The following RAB6B variants were observed in gnomAD, a reference collection of about 807,000 sequenced individuals.
RAB6B encodes the protein RAB6B, member RAS oncogene family.
A neutral mutation model predicts 31.2 loss-of-function variants in RAB6B; 7 were observed. The ratio of observed to expected loss-of-function variants is 0.22; its 90% CI spans 0.13 to 0.42. The LOEUF is 0.42. Ranked by LOEUF, RAB6B falls within the 10% of genes least tolerant of loss-of-function variation. The pLI, the probability that RAB6B is intolerant of heterozygous loss-of-function variation, is 1.00. For missense variants in RAB6B, 149 were observed against 280.6 expected (o/e 0.53, Z 3.35); for synonymous variants, 105 against 104.9 (o/e 1.00, Z -0.01).
rs1184495728 is a variant in RAB6B at position 133,843,006 on chromosome 3, G to A, written c.130-1343C>T. 2.0e-5 allele frequency among the ~76,000 whole-genome samples: 3 copies of A among 152,238 alleles called. No individual in the cohort carries two copies. The East Asian group carries it at 5.8e-4, about 29-fold the overall frequency. On this transcript the variant is annotated intron_variant, in intron 2 of 7. Coordinates refer to ENST00000285208, the MANE Select transcript of RAB6B (RefSeq NM_016577.4). ...TATCTCCAGTCCCCCCAGGCTGAAT[G>A]CAAAGGTATGCACCAATGTGTGTGC... is the stretch of plus-strand genomic sequence containing the variant.
chr3:133,859,709 C>T (rs1022888462), intron 2 of RAB6B, among the ~76,000 whole-genome samples: 3 of 152,308 alleles, frequency 2.0e-5, no homozygotes, highest in African/African-American at 4.8e-5. Flanking sequence ...GCACAGTGAC[C>T]TCTCCTGTTT....
intron 6 of RAB6B, 96 bp downstream of exon 6, chr3:133,838,070 A>G: frequency 1.1e-5 from 14 of 1,283,912 alleles, no homozygotes; most frequent in Non-Finnish European, 1.6e-5. Context: ...TCCCATCACC[A>G]GCCCTTCAGG....
chr3:133,857,361 G>A (rs568640338), intron 2 of RAB6B, among the ~76,000 whole-genome samples: 2 of 151,006 alleles, frequency 1.3e-5, no homozygotes, highest in Admixed American at 6.6e-5. Context: ...TAAAAAGCTC[G>A]GCCAGGGTCT....
chr3:133,894,863 T>G, intron 1 of RAB6B: 1 of 154,214 alleles, frequency 6.5e-6, no homozygotes, highest in Non-Finnish European at 1.4e-5. Context: ...CCGGTGGCTG[T>G]TTGTCCCACG....
In RAB6B at chr3:133,827,697, T is replaced by C. The variant is rs1433582866; in HGVS notation, c.*1091A>G. On this transcript the variant is annotated 3_prime_UTR_variant, in exon 8 of 8. Transcript: ENST00000285208. The stretch of plus-strand genomic sequence containing the variant: ...GAAAGCACTCAACAATATTAGCAGC[T>C]GAGGCTCTAAGAACATGGATCTTTC... 6.9e-6 allele frequency: 4 copies of C among 581,108 alleles called. No homozygotes were observed. Among genetic ancestry groups the C allele is most frequent in the African/African-American group, 5.8e-5 (3 of 51,734 alleles). The allele number at this position is 581,108 out of a possible 1,614,324, so 36.0% of individuals were successfully genotyped here.
intron 2 of RAB6B, among the ~76,000 whole-genome samples, chr3:133,860,252 G>GA (rs1936141096): frequency 6.6e-6 from 1 of 152,210 alleles, no homozygotes; most frequent in African/African-American, 2.4e-5. Context: ...GATCTTGAGA[G>GA]AAAAAATCAT....
intron 1 of RAB6B, among the ~76,000 whole-genome samples, chr3:133,882,440 C>T (rs1372523262): frequency 6.6e-6 from 1 of 152,182 alleles, no homozygotes; most frequent in East Asian, 1.9e-4. Context: ...TAGGTTGTGT[C>T]TACCACACCA....
At chr3:133,838,941 C>G (rs1935780913) in intron 5 of RAB6B, among the ~76,000 whole-genome samples, 1 of 152,254 alleles carries the variant, frequency 6.6e-6, no homozygotes, top group Admixed American at 6.5e-5. Flanking sequence ...AATGTACACA[C>G]ATGGCACCTC....
chr3:133,856,344 T>C (rs1363424082), intron 2 of RAB6B, among the ~76,000 whole-genome samples: 1 of 151,954 alleles, frequency 6.6e-6, no homozygotes, highest in East Asian at 2.0e-4. Context: ...GGACTATTGC[T>C]TATTCTGTTC....
chr3:133,886,758 A>G (rs1295483388), intron 1 of RAB6B, among the ~76,000 whole-genome samples: 1 of 152,252 alleles, frequency 6.6e-6, no homozygotes, highest in Non-Finnish European at 1.5e-5. Context: ...TACTTCTGCA[A>G]TGAGGGAGGA....
chr3:133,870,367 G>T (rs1047845329), intron 1 of RAB6B, among the ~76,000 whole-genome samples: 1 of 152,110 alleles, frequency 6.6e-6, no homozygotes, highest in African/African-American at 2.4e-5. Context: ...GGGATCATGG[G>T]GATTACAATT....
intron 2 of RAB6B, among the ~76,000 whole-genome samples, chr3:133,844,095 T>C (rs17310798): frequency 0.11 from 16,440 of 152,170 alleles, 1,056 homozygotes; most frequent in Non-Finnish European, 0.15. Context: ...ACCTCACATG[T>C]CACAAGGCAC....
chr3:133,875,916 G>C lies in RAB6B; in HGVS notation c.71-11274C>G, dbSNP rs116972477. ...AGAACCGAACGCACTCGTGTGGAGG[G>C]AGAGGCAGTACTATCCGGCATGCGA... On this transcript the variant is annotated intron_variant, in intron 1 of 7. Coordinates refer to ENST00000285208, the MANE Select transcript of RAB6B (RefSeq NM_016577.4). 1.1e-3 allele frequency among the ~76,000 whole-genome samples: 175 copies of C among 152,322 alleles called. 1 individual carries two copies. The East Asian group carries it at 0.028, about 25-fold the overall frequency.
At chr3:133,867,175 C>G (rs1057070228) in intron 1 of RAB6B, among the ~76,000 whole-genome samples, 4 of 152,196 alleles carry the variant, frequency 2.6e-5, no homozygotes, top group Non-Finnish European at 5.9e-5. Context: ...GAAAACATCC[C>G]CTGAAAGTTT....
chr3:133,853,007 G>A (rs1425718401), intron 2 of RAB6B, among the ~76,000 whole-genome samples: 3 of 151,966 alleles, frequency 2.0e-5, no homozygotes, highest in Admixed American at 6.6e-5. Context: ...TTTCCTTTCC[G>A]ATGCTAGTTT....
intron 4 of RAB6B, among the ~76,000 whole-genome samples, chr3:133,840,831 T>C (rs977818695): frequency 5.3e-5 from 8 of 151,642 alleles, no homozygotes; most frequent in African/African-American, 1.7e-4. Flanking sequence ...CCAGACCCCC[T>C]TGCCTACCTT....
intron 1 of RAB6B, among the ~76,000 whole-genome samples, chr3:133,889,480 G>A (rs1256079067): frequency 2.2e-5 from 3 of 137,766 alleles, no homozygotes; most frequent in Non-Finnish European, 3.1e-5. Flanking sequence ...TGTTGCCCAG[G>A]GTGGAGTGCA....
At chr3:133,837,907 G>GC (rs1361737191) in intron 6 of RAB6B, among the ~76,000 whole-genome samples, 1 of 152,226 alleles carries the variant, frequency 6.6e-6, no homozygotes, top group Non-Finnish European at 1.5e-5. Context: ...TGCTACGTGG[G>GC]CCGTGACTGG....
chr3:133,856,361 C>T (rs927447368), intron 2 of RAB6B, among the ~76,000 whole-genome samples: 2 of 151,860 alleles, frequency 1.3e-5, no homozygotes, highest in Non-Finnish European at 2.9e-5. Context: ...GTTCTGCTGT[C>T]GTGGCCCATG....
Sources: gnomAD v4.1 joint callset for allele counts (sites outside exome capture counted in the v4.1 genomes callset) on GRCh38, gnomAD v4.1.1 for gene constraint, MANE v1.5 for transcripts, NCBI Gene and HGNC (gene_info 2026-07-23, HGNC 2026-07-21) for gene names.